The following SLA2 variants were observed in gnomAD, a reference collection of about 807,000 sequenced individuals.
SLA2 encodes src-like-adapter 2.
Under a neutral mutation model 27.3 loss-of-function variants are expected in SLA2, and 22 were observed. The ratio of observed to expected loss-of-function variants is 0.81; its 90% CI spans 0.58 to 1.15. The LOEUF (loss-of-function observed/expected upper bound fraction) is 1.15. SLA2 is among the 50% of genes most tolerant of loss of function. The pLI is 0.00. For missense variants in SLA2, 304 were observed against 322.2 expected, an observed-to-expected ratio of 0.94 and a Z score of 0.43; for synonymous variants, 131 against 137.8, an observed-to-expected ratio of 0.95 and a Z score of 0.34.
At chr20:36,635,292 T>C (rs1826464386) in intron 2 of SLA2, among the ~76,000 whole-genome samples, 1 of 151,418 alleles carries the variant, frequency 6.6e-6, no homozygotes, top group South Asian at 2.1e-4. Flanking sequence ...CCTTTTTCTG[T>C]AAGGATTCCT....
rs2039455794 is a variant in SLA2 at position 36,636,885 on chromosome 20, A to G, written c.92-2296T>C. On this transcript the variant is annotated intron_variant, in intron 2 of 7. Transcript: ENST00000262866. ...AGAATCGCTTGAACCCAGGAGGTGG[A>G]GCTTGCAGTGAGCCAAGATGGCGCC... Among the ~76,000 whole-genome samples, 3 of 151,900 alleles carry G rather than the reference A, an allele frequency of 2.0e-5. No individual in the cohort carries two copies. The East Asian group carries it at 5.8e-4, about 30-fold the overall frequency.
At chr20:36,625,711 C>T (rs951346885) in intron 5 of SLA2, among the ~76,000 whole-genome samples, 1 of 151,382 alleles carries the variant, frequency 6.6e-6, no homozygotes, top group Non-Finnish European at 1.5e-5. Context: ...CCTGTAGTTC[C>T]AGCTACTCAA....
In SLA2 at chr20:36,613,935, C is replaced by G; in HGVS notation, c.717G>C (p.Glu239Asp). 1 of 1,614,088 alleles carries G rather than the reference C, an allele frequency of 6.2e-7. No homozygotes were observed. The highest frequency in any genetic ancestry group is 1.1e-5 in the South Asian group (1 of 91,080). Residue 239 changes from glutamate to aspartate, a missense_variant, in exon 8 of 8, where the codon GAG becomes GAC. Coordinates refer to ENST00000262866, the MANE Select transcript of SLA2 (RefSeq NM_032214.4). ...AATGEESLLS[E>D]GLRESLSFYI... Reference sequence around the variant, plus strand: ...AGAAGCTGAGGGACTCCCGGAGACCCTCACTGAGAAGAGACTCCTCCCCTG... The same window carrying G: ...AGAAGCTGAGGGACTCCCGGAGACCGTCACTGAGAAGAGACTCCTCCCCTG...
At chr20:36,621,814 G>C (rs548549861) in intron 5 of SLA2, among the ~76,000 whole-genome samples, 8 of 152,092 alleles carry the variant, frequency 5.3e-5, no homozygotes, top group Admixed American at 4.6e-4. Flanking sequence ...CCAGGAATTT[G>C]AGACAAGCCT....
chr20:36,632,583 G>A lies in SLA2; in HGVS notation c.382+12C>T, dbSNP rs765109794. The A allele has an allele frequency of 5.6e-6, 9 of 1,609,218 alleles. No individual in the cohort carries two copies. The highest frequency in any genetic ancestry group is 3.3e-5 in the South Asian group (3 of 90,940). ...CGTAGGGAGGGCCTGGGCTGGCACC[G>A]AGCTTACTCACCTCTCCTGGTCTGG... On this transcript the variant is annotated intron_variant, in intron 5 of 7. Coordinates refer to ENST00000262866, the MANE Select transcript of SLA2 (RefSeq NM_032214.4).
intron 5 of SLA2, among the ~76,000 whole-genome samples, chr20:36,616,383 T>C (rs1315673098): frequency 1.3e-5 from 2 of 148,848 alleles, no homozygotes; most frequent in Non-Finnish European, 3.0e-5. Context: ...CAGGCTGGAG[T>C]GCAGTGGTGC....
At chr20:36,634,919 C>T (rs1038048249) in intron 2 of SLA2, among the ~76,000 whole-genome samples, 2 of 152,192 alleles carry the variant, frequency 1.3e-5, no homozygotes, top group East Asian at 1.9e-4. Context: ...CAGCCTTGAC[C>T]TCCCGGGCTC....
intron 5 of SLA2, among the ~76,000 whole-genome samples, chr20:36,618,233 A>G (rs1451361811): frequency 6.6e-6 from 1 of 152,006 alleles, no homozygotes; most frequent in Non-Finnish European, 1.5e-5. Flanking sequence ...TGGCTTATTA[A>G]TGGGAGAATG....
chr20:36,631,526 C>T (rs990878974), intron 5 of SLA2, among the ~76,000 whole-genome samples: 12 of 152,222 alleles, frequency 7.9e-5, no homozygotes, highest in African/African-American at 2.7e-4. Context: ...TGGCAGATGA[C>T]AGCCAGACTG....
Position 36,621,505 on chromosome 20 carries a change from G to A in SLA2, c.383-6131C>T, listed in dbSNP as rs138688540. On this transcript the variant is annotated intron_variant, in intron 5 of 7. Transcript: ENST00000262866. The stretch of plus-strand genomic sequence containing the variant: ...TCACCAGGCTGAAGTGCAGTGGCGC[G>A]ATCTCGGCTCACTGCAGGATCTCTG... 2,203 of 297,794 alleles carry A rather than the reference G, an allele frequency of 7.4e-3. 77 individuals are homozygous for A. Among genetic ancestry groups the A allele is most frequent in the Admixed American group, 0.074 (1,729 of 23,494 alleles). The allele number at this position is 297,794 out of a possible 1,614,324, so 18.4% of individuals were successfully genotyped here. A position where few individuals can be genotyped will look rare whatever the true frequency, so the allele number is the denominator to read the frequency against.
In SLA2 at chr20:36,613,873, T is replaced by C. The variant is rs201740355; in HGVS notation, c.779A>G (p.Asp260Gly). Residue 260 changes from aspartate (D) to glycine (G), a missense_variant, in exon 8 of 8, where the codon GAT (aspartate) becomes GGT (glycine). By Grantham distance (94) the Asp-to-Gly change is moderately conservative (BLOSUM62 -1). Transcript: ENST00000262866. ...SLNDEAVSLD[D>G]A ...TTGGCCTCTCCTTTGGGCCTAGGCA[T>C]CATCCAAAGAGACAGCCTCGTCATT... 1 of 1,606,258 alleles carries C rather than the reference T, an allele frequency of 6.2e-7. No homozygotes were observed. Among genetic ancestry groups the C allele is most frequent in the East Asian group, 2.3e-5 (1 of 44,378 alleles).
intron 5 of SLA2, among the ~76,000 whole-genome samples, chr20:36,624,358 G>A (rs1293398557): frequency 6.6e-6 from 1 of 152,140 alleles, no homozygotes; most frequent in Non-Finnish European, 1.5e-5. Context: ...CGCCTGCTGA[G>A]GACGCGCCTC....
At chr20:36,621,621 A>T (rs962055836) in intron 5 of SLA2, among the ~76,000 whole-genome samples, 4 of 147,696 alleles carry the variant, frequency 2.7e-5, no homozygotes, top group African/African-American at 9.9e-5. Context: ...GCAAGACTCC[A>T]TCTCAAACAA....
rs1389778054 is a variant in SLA2, at chr20:36,613,637, C to T, written c.*229G>A. On this transcript the variant is annotated 3_prime_UTR_variant, in exon 8 of 8. Transcript: ENST00000262866. ...GGAACCCTGGCCCTGGTCCCACCTT[C>T]TCTGCACTCGCACTAGAGGTCGCAG... 2.1e-5 allele frequency: 10 copies of T among 474,680 alleles called. No homozygotes were observed. The highest frequency in any genetic ancestry group is 3.7e-5 in the Non-Finnish European group (10 of 270,434). 29.4% of individuals were successfully genotyped at this position (474,680 alleles called of 1,614,324 possible).
chr20:36,630,718 C>T (rs976318156), intron 5 of SLA2, among the ~76,000 whole-genome samples: 29 of 152,350 alleles, frequency 1.9e-4, no homozygotes, highest in African/African-American at 6.5e-4. Context: ...GGGGCTGCTG[C>T]TCCTTCAACA....
chr20:36,615,471 C>T, intron 5 of SLA2, 97 bp from the exon 6 acceptor site: 1 of 1,450,264 alleles, frequency 6.9e-7, no homozygotes, highest in South Asian at 1.2e-5. Context: ...ACCATGGGGC[C>T]CCGGCAGAAG....
At chr20:36,634,364 G>A (rs2039422240) in intron 3 of SLA2, 126 bp downstream of exon 3, 1 of 654,828 alleles carries the variant, frequency 1.5e-6, no homozygotes, top group African/African-American at 1.8e-5. Context: ...GCTCATTGCA[G>A]CCTTGAGCTC....
At chr20:36,641,199 A>T in intron 2 of SLA2, 46 bp downstream of exon 2, 1 of 1,508,210 alleles carries the variant, frequency 6.6e-7, no homozygotes. Flanking sequence ...AGTGAAGTCT[A>T]GTACTGTGTG....
chr20:36,645,189 G>A (rs113881789), intron 1 of SLA2, among the ~76,000 whole-genome samples: 3,978 of 45,016 alleles, frequency 0.088, 63 homozygotes, highest in Middle Eastern at 0.13. Context: ...CCCCACCACC[G>A]CCTGCCATCT....
Sources: allele counts gnomAD v4.1 joint callset (sites outside exome capture counted in the v4.1 genomes callset), GRCh38; gene constraint gnomAD v4.1.1; transcripts MANE v1.5; gene names NCBI Gene and HGNC (gene_info 2026-07-23, HGNC 2026-07-21).